CDH13: variants seen among roughly 807,000 people sequenced by gnomAD.
The protein encoded by CDH13 is cadherin 13.
A neutral mutation model predicts 63.8 loss-of-function variants in CDH13; 24 were observed. That is an observed-to-expected ratio of 0.38 (90% confidence interval 0.27 to 0.53). CDH13 has a LOEUF of 0.53. Among genes scored for constraint, CDH13 ranks in the 20% least tolerant of loss-of-function variants. CDH13 has a pLI of 0.85. For missense variants in CDH13, 1,049 were observed against 903.1 expected (o/e 1.16, Z -2.07); for synonymous variants, 503 against 355.3 (o/e 1.42, Z -4.67).
At chr16:82,746,475 C>G (rs1031601403) in intron 1 of CDH13, among the ~76,000 whole-genome samples, 1 of 151,982 alleles carries the variant, frequency 6.6e-6, no homozygotes, top group African/African-American at 2.4e-5. Flanking sequence ...TCAGCCACTA[C>G]AAATGAGAAC....
At chr16:83,399,857 A>G (rs2091941438) in intron 6 of CDH13, among the ~76,000 whole-genome samples, 2 of 152,320 alleles carry the variant, frequency 1.3e-5, no homozygotes, top group African/African-American at 2.4e-5. Context: ...AACAGCTGTG[A>G]GAGTGAAGAA....
intron 1 of CDH13, among the ~76,000 whole-genome samples, chr16:82,784,446 C>T (rs775995714): frequency 6.6e-6 from 1 of 152,090 alleles, no homozygotes; most frequent in Non-Finnish European, 1.5e-5. Context: ...GAAGGGACAG[C>T]GAATGCTCTC....
At chr16:83,145,182 T>A (rs1052644367) in intron 4 of CDH13, among the ~76,000 whole-genome samples, 3 of 152,166 alleles carry the variant, frequency 2.0e-5, no homozygotes, top group Admixed American at 2.0e-4. Context: ...ATTACAGTGA[T>A]GAGCTGTTTG....
intron 10 of CDH13, among the ~76,000 whole-genome samples, chr16:83,731,656 G>A (rs1182484904): frequency 6.6e-6 from 1 of 152,048 alleles, no homozygotes; most frequent in Non-Finnish European, 1.5e-5. Flanking sequence ...TTTGTTTTTG[G>A]TGCAATTGCT....
chr16:83,024,577 A>G (rs1309681319), intron 2 of CDH13, among the ~76,000 whole-genome samples: 1 of 152,192 alleles, frequency 6.6e-6, no homozygotes, highest in African/African-American at 2.4e-5. Context: ...CGGATAACTC[A>G]TGCAACCTCA....
intron 5 of CDH13, among the ~76,000 whole-genome samples, chr16:83,300,167 A>G (rs76296650): frequency 0.083 from 12,597 of 152,316 alleles, 717 homozygotes; most frequent in Non-Finnish European, 0.13. Context: ...CTTTGAAGTC[A>G]AGGATATGCT....
intron 2 of CDH13, among the ~76,000 whole-genome samples, chr16:82,920,417 G>T (rs989554172): frequency 2.0e-5 from 3 of 152,108 alleles, no homozygotes; most frequent in Non-Finnish European, 4.4e-5. Context: ...AATGAATATG[G>T]GTCCTGTGCT....
In CDH13 at chr16:83,145,758, T is replaced by C. The variant is rs905697784; in HGVS notation, c.483+20257T>C. Among the ~76,000 whole-genome samples, 7 of 152,302 alleles carry C rather than the reference T, an allele frequency of 4.6e-5. No individual in the cohort carries two copies. In the East Asian group the frequency reaches 7.7e-4, roughly 17 times the overall value. On this transcript the variant is annotated intron_variant, in intron 4 of 13. Transcript: ENST00000567109. ...ACTTGTCATTGCAAGACCTGAGGAA[T>C]AGAGGGGCTAGCAGACCAGCCTGGG...
chr16:83,275,222 A>C (rs544571613), intron 5 of CDH13, among the ~76,000 whole-genome samples: 1 of 152,210 alleles, frequency 6.6e-6, no homozygotes, highest in Admixed American at 6.5e-5. Context: ...GAAAGGAGAG[A>C]TGCTGGGCCA....
At chr16:83,201,111 G>A (rs2039017551) in intron 4 of CDH13, among the ~76,000 whole-genome samples, 1 of 152,172 alleles carries the variant, frequency 6.6e-6, no homozygotes, top group Non-Finnish European at 1.5e-5. Context: ...CAGGGTAGCT[G>A]TGCCTGTTCA....
intron 11 of CDH13, among the ~76,000 whole-genome samples, chr16:83,776,442 A>G (rs1915119691): frequency 1.3e-5 from 2 of 152,230 alleles, no homozygotes; most frequent in African/African-American, 4.8e-5. Flanking sequence ...ACGAAAGTTG[A>G]TGATATGCCA....
At chr16:83,086,172 A>G (rs2033584178) in intron 3 of CDH13, among the ~76,000 whole-genome samples, 1 of 152,206 alleles carries the variant, frequency 6.6e-6, no homozygotes, top group Non-Finnish European at 1.5e-5. Flanking sequence ...CCAGTTCACT[A>G]CATGTTTAAG....
At position 82,686,008 on chromosome 16, in the gene CDH13, T is replaced by A. The variant is rs192781229; in HGVS notation, c.45+58871T>A. On this transcript the variant is annotated intron_variant, in intron 1 of 13. Coordinates refer to ENST00000567109, the MANE Select transcript of CDH13 (RefSeq NM_001257.5). ...TTAAGGTAGGAAAGAGTACCATATT[T>A]CTCTTCTGCATTATCCCTAGTGAAT... 3.7e-3 allele frequency among the ~76,000 whole-genome samples: 562 copies of A among 152,244 alleles called. 2 individuals carry two copies. The highest frequency in any genetic ancestry group is 6.6e-3 in the Non-Finnish European group (450 of 68,026).
intron 6 of CDH13, among the ~76,000 whole-genome samples, chr16:83,464,878 A>G (rs941918647): frequency 6.6e-6 from 1 of 152,122 alleles, no homozygotes; most frequent in Non-Finnish European, 1.5e-5. Flanking sequence ...CCTGACCTCA[A>G]GTGATCTCCC....
chr16:83,223,538 C>T (rs2039759920), intron 5 of CDH13, among the ~76,000 whole-genome samples: 1 of 152,212 alleles, frequency 6.6e-6, no homozygotes, highest in Non-Finnish European at 1.5e-5. Context: ...CCACTTTGCT[C>T]TGATGCTCAC....
intron 6 of CDH13, among the ~76,000 whole-genome samples, chr16:83,359,431 T>C (rs890307610): frequency 1.3e-5 from 2 of 152,152 alleles, no homozygotes; most frequent in African/African-American, 2.4e-5. Flanking sequence ...TGGCTTCTTT[T>C]CAGTGGTGCT....
intron 6 of CDH13, among the ~76,000 whole-genome samples, chr16:83,447,096 CTTTTTTTTTTTTTTTTTT>C (rs750432481): frequency 2.4e-5 from 1 of 41,518 alleles, no homozygotes; most frequent in East Asian, 4.9e-4. Context: ...TTATAGTAAC[CTTTTTTTTTTTTTTTTTT>C]TTTTTTTTTT....
intron 8 of CDH13, among the ~76,000 whole-genome samples, chr16:83,622,407 T>G (rs1027660785): frequency 1.3e-5 from 2 of 152,160 alleles, no homozygotes. Context: ...AGACCAGCCT[T>G]CATCAGGAGA....
At chr16:83,779,912 G>A (rs1322446190) in intron 11 of CDH13, 56 bp from the exon 12 acceptor site, 1 of 1,180,072 alleles carries the variant, frequency 8.5e-7, no homozygotes, top group African/African-American at 1.5e-5. Flanking sequence ...AAGTGCTATG[G>A]TAAATTGCTC....
Sources: gnomAD v4.1 joint callset for allele counts (sites outside exome capture counted in the v4.1 genomes callset) on GRCh38, gnomAD v4.1.1 for gene constraint, MANE v1.5 for transcripts, NCBI Gene and HGNC (gene_info 2026-07-23, HGNC 2026-07-21) for gene names.